The following INTS1 variants were observed in gnomAD, a reference collection of about 807,000 sequenced individuals.
INTS1 encodes integrator complex subunit 1.
In INTS1, 137 loss-of-function variants were observed where a neutral mutation model predicts 241.6. The ratio of observed to expected loss-of-function variants is 0.57; its 90% confidence interval spans 0.49 to 0.65. INTS1 has a LOEUF of 0.65. INTS1 is among the 30% of genes least tolerant of loss of function. The pLI is 0.00. For missense variants in INTS1, 3,073 were observed against 3,032.2 expected, an observed-to-expected ratio of 1.01 and a Z score of -0.32; for synonymous variants, 1,692 against 1,337.8, an observed-to-expected ratio of 1.26 and a Z score of -5.78.
In INTS1 at chr7:1,498,975, C is replaced by G; in HGVS notation, c.1137G>C (p.Lys379Asn). The change falls in exon 8 of 48, where the codon AAG (lysine) becomes AAC (asparagine). Residue 379 changes from lysine (K) to asparagine (N), a missense_variant and splice_region_variant. Transcript: ENST00000404767. ...QKLEMWLQNP[K>N]LTRPAQDLLM... ...CCACCCCCCCGGGGCGCCCCCGCAC[C>G]TTGGGGTTCTGCAGCCACATCTCCA... is the stretch of plus-strand genomic sequence containing the variant. 1 of 1,539,208 alleles carries G rather than the reference C, an allele frequency of 6.5e-7. No individual in the cohort carries two copies. Among genetic ancestry groups the G allele is most frequent in the Non-Finnish European group, 8.7e-7 (1 of 1,144,264 alleles).
intron 19 of INTS1, 112 bp from the exon 20 acceptor site, chr7:1,487,561 A>C: frequency 1.5e-6 from 2 of 1,375,434 alleles, no homozygotes; most frequent in Middle Eastern, 5.2e-4. Flanking sequence ...GAGACGGGCA[A>C]CCCATCCTGA....
At position 1,470,586 on chromosome 7, in the gene INTS1, G is replaced by A. The variant is rs373812788; in HGVS notation, c.6564C>T (p.Ala2188=). 110 of 1,563,994 alleles carry A rather than the reference G, an allele frequency of 7.0e-5. 1 individual carries two copies. The highest frequency in any genetic ancestry group is 2.7e-4 in the South Asian group (23 of 85,266). Residue 2188 remains alanine (A), a synonymous_variant, in exon 48 of 48, where the codon GCC becomes GCT. Transcript: ENST00000404767. ...SEALRILHME[A]VM is the part of the protein sequence containing the mutation. ...GTCGGCTGCCACAGGCTCACATCACGGCCTCCATATGCAGGATCCTCAGGG... is the reference window on the plus strand; with the variant it reads ...GTCGGCTGCCACAGGCTCACATCACAGCCTCCATATGCAGGATCCTCAGGG...
Position 1,476,919 on chromosome 7 carries a change from C to G in INTS1, c.4939-1G>C. 1 of 1,609,680 alleles carries G rather than the reference C, an allele frequency of 6.2e-7. No individual in the cohort carries two copies. Among genetic ancestry groups the G allele is most frequent in the Non-Finnish European group, 8.5e-7 (1 of 1,179,122 alleles). On this transcript the variant is annotated splice_acceptor_variant, in intron 35 of 47. Coordinates refer to ENST00000404767, the MANE Select transcript of INTS1 (RefSeq NM_001080453.3). LOFTEE classifies it high-confidence loss of function. The stretch of plus-strand genomic sequence containing the variant: ...AGGGCACCTGGGCCTGACCTTTGCC[C>G]TGGGGAGGGAGGAAGAAGCCCGGAT...
rs112935261 is a variant in INTS1 at position 1,472,970 on chromosome 7, G to A, written c.6070+102C>T. On this transcript the variant is annotated intron_variant, in intron 43 of 47. Transcript: ENST00000404767. ...GTCCCAGGCTCACACAGCCCCCATC[G>A]GGACGCCTCGGACGGCCCAGGGCTG... is the stretch of plus-strand genomic sequence containing the variant. The A allele has an allele frequency of 5.4e-5, 38 of 708,382 alleles. 1 individual carries two copies. The highest frequency in any genetic ancestry group is 4.0e-4 in the African/African-American group (22 of 55,680). The allele number at this position is 708,382 out of a possible 1,614,324, so 43.9% of individuals were successfully genotyped here.
Position 1,476,813 on chromosome 7 carries a change from CCAG to C in INTS1, c.5041_5043del (p.Leu1681del). 1.2e-6 allele frequency: 2 copies of C among 1,612,938 alleles called. No homozygotes were observed. The highest frequency in any genetic ancestry group is 1.7e-6 in the Non-Finnish European group (2 of 1,179,876). ...GCCCACCTCTGTTCCCGGCTCTTGCCCAGCAGGACTCGGATGCACTGGTGCAGT... is the reference window on the plus strand; with the variant it reads ...GCCCACCTCTGTTCCCGGCTCTTGCCCAGGACTCGGATGCACTGGTGCAGT... On this transcript the variant is annotated inframe_deletion, in exon 36 of 48. Transcript: ENST00000404767.
intron 8 of INTS1, 25 bp downstream of exon 8, chr7:1,498,950 C>T (rs1351579641): frequency 1.4e-6 from 2 of 1,432,548 alleles, no homozygotes; most frequent in Non-Finnish European, 9.4e-7. Context: ...CCTGCCCCGC[C>T]CACCCCCCCG....
Position 1,477,855 on chromosome 7 carries a change from G to T in INTS1, c.4712C>A (p.Ala1571Asp). The T allele has an allele frequency of 6.2e-7, 1 of 1,612,618 alleles. No homozygotes were observed. The highest frequency in any genetic ancestry group is 1.3e-5 in the African/African-American group (1 of 75,074). ...GGGCTTACAGGCTGGAAACGGGGAGGCAGCATCCGCAGTGGCAGAGAAGAA... is the reference window on the plus strand; with the variant it reads ...GGGCTTACAGGCTGGAAACGGGGAGTCAGCATCCGCAGTGGCAGAGAAGAA... ...TAFFSATADAASPFPACKPVV... is the reference protein window; with the variant it reads ...TAFFSATADADSPFPACKPVV... Residue 1571 changes from alanine to aspartate, a missense_variant, in exon 34 of 48, where the codon GCC becomes GAC. Ala to Asp is a moderately radical substitution (Grantham distance 126). Coordinates refer to ENST00000404767, the MANE Select transcript of INTS1 (RefSeq NM_001080453.3).
In INTS1 at chr7:1,497,724, GC is replaced by G. The variant is rs1338474555; in HGVS notation, c.1426-411del. Among the ~76,000 whole-genome samples the G allele has an allele frequency of 3.9e-5, 6 of 152,240 alleles. No homozygotes were observed. Among genetic ancestry groups the G allele is most frequent in the Non-Finnish European group, 8.8e-5 (6 of 68,044 alleles). ...CACTCCTGTCTCAAAATGCCAGGCCGCGAAGACTGAACGCGGAGCTGAGAGC... is the reference window on the plus strand; with the variant it reads ...CACTCCTGTCTCAAAATGCCAGGCCGGAAGACTGAACGCGGAGCTGAGAGC... On this transcript the variant is annotated intron_variant, in intron 10 of 47. Coordinates refer to ENST00000404767, the MANE Select transcript of INTS1 (RefSeq NM_001080453.3). The surrounding 1 kb of genome is among the most constrained non-coding windows in gnomAD (Gnocchi z 5.3).
At chr7:1,502,166 G>A (rs943560642) in intron 3 of INTS1, among the ~76,000 whole-genome samples, 3 of 152,050 alleles carry the variant, frequency 2.0e-5, no homozygotes. Context: ...AAAGTCATCA[G>A]GACACTTGTT....
chr7:1,472,821 G>T (rs993327603), intron 43 of INTS1, among the ~76,000 whole-genome samples: 7 of 150,750 alleles, frequency 4.6e-5, no homozygotes, highest in Non-Finnish European at 7.4e-5. Context: ...TGCCAGGGAC[G>T]GGGGGGTGGG....
At position 1,480,430 on chromosome 7, in the gene INTS1, C is replaced by T. The variant is rs1277675308; in HGVS notation, c.3961G>A (p.Ala1321Thr). The part of the protein sequence containing the change: ...SLPPRRDSTE[A>T]PKPKSSPEQP... The stretch of plus-strand genomic sequence containing the variant: ...TCTGGGCTGCTCTTTGGTTTGGGTG[C>T]CTCTGTGCTGTCTGCAGAGACAGGA... Residue 1321 changes from alanine (A) to threonine (T), a missense_variant, in exon 30 of 48, where the codon GCA becomes ACA. Coordinates refer to ENST00000404767, the MANE Select transcript of INTS1 (RefSeq NM_001080453.3). 1.9e-6 allele frequency: 3 copies of T among 1,613,258 alleles called. No individual in the cohort carries two copies. The Admixed American group carries it at 5.0e-5, about 27-fold the overall frequency.
chr7:1,471,313 G>T, intron 45 of INTS1, 89 bp from the exon 46 acceptor site: 4 of 1,334,832 alleles, frequency 3.0e-6, no homozygotes, highest in Non-Finnish European at 4.2e-6. Flanking sequence ...ATGGTTGGCG[G>T]CAACGGCAGG....
chr7:1,471,287 A>G, intron 45 of INTS1, 63 bp from the exon 46 acceptor site: 1 of 1,486,838 alleles, frequency 6.7e-7, no homozygotes, highest in Non-Finnish European at 9.2e-7. Flanking sequence ...AGGCCCCTTC[A>G]CCTCTTGGTC....
chr7:1,486,704 T>G lies in INTS1; in HGVS notation c.2897A>C (p.Gln966Pro). 1 of 1,612,752 alleles carries G rather than the reference T, an allele frequency of 6.2e-7. No homozygotes were observed. The highest frequency in any genetic ancestry group is 2.2e-5 in the East Asian group (1 of 44,880). Residue 966 changes from glutamine to proline, a missense_variant, in exon 22 of 48, where the codon CAG becomes CCG. Transcript: ENST00000404767. ...DLLLGPKADEQTTCEVLDYFL... is the reference protein window; with the variant it reads ...DLLLGPKADEPTTCEVLDYFL... The stretch of plus-strand genomic sequence containing the variant: ...GTAGTCCAGCACCTCACACGTGGTC[T>G]GCTCATCAGCCTTCGGGCCCAGTAG...
chr7:1,500,076 T>C, intron 4 of INTS1, 55 bp from the exon 5 acceptor site: 3 of 1,556,970 alleles, frequency 1.9e-6, no homozygotes, highest in East Asian at 2.4e-5. Context: ...GAGGCAAAGC[T>C]GGGGTGGGCC....
Position 1,502,895 on chromosome 7 carries a change from C to T in INTS1, c.349+6G>A. On this transcript the variant is annotated splice_donor_region_variant and intron_variant, in intron 3 of 47. Transcript: ENST00000404767. ...TGTTCTCGGGGGATGTCCACAGACT[C>T]ATTACCTTCAATTGGCACCACAGAT... 1.2e-6 allele frequency: 2 copies of T among 1,613,668 alleles called. No individual in the cohort carries two copies. The highest frequency in any genetic ancestry group is 1.3e-5 in the African/African-American group (1 of 75,038).
At position 1,489,413 on chromosome 7, in the gene INTS1, C is replaced by T. The variant is rs1373422179; in HGVS notation, c.2258-9G>A. ...CTCCCACGCAGCCAGGCCTAGGGAA[C>T]CGGAGGGTGTGGGGCTGGCCAGGCT... is the stretch of plus-strand genomic sequence containing the variant. On this transcript the variant is annotated splice_polypyrimidine_tract_variant and intron_variant, in intron 17 of 47. Transcript: ENST00000404767. The T allele has an allele frequency of 2.9e-6, 3 of 1,019,206 alleles. No homozygotes were observed. Among genetic ancestry groups the T allele is most frequent in the Non-Finnish European group, 3.5e-6 (3 of 852,434 alleles). The allele number at this position is 1,019,206 out of a possible 1,614,324, so 63.1% of individuals were successfully genotyped here.
At chr7:1,486,268 TA>T (rs1294799414) in intron 22 of INTS1, among the ~76,000 whole-genome samples, 4 of 149,400 alleles carry the variant, frequency 2.7e-5, no homozygotes, top group Admixed American at 2.0e-4. Flanking sequence ...TTCATTTATT[TA>T]TTTTTTTTTT....
Position 1,473,573 on chromosome 7 carries a change from G to A in INTS1, c.5950C>T (p.Pro1984Ser). The change falls in exon 42 of 48, where the codon CCG becomes TCG. Residue 1984 changes from proline (P) to serine (S), a missense_variant. Coordinates refer to ENST00000404767, the MANE Select transcript of INTS1 (RefSeq NM_001080453.3). ...CAGCCCGTGGGCACTCACTGGAGCGGGTCGGCGTGCTTCTGCAGGAAGGAG... is the reference window on the plus strand; with the variant it reads ...CAGCCCGTGGGCACTCACTGGAGCGAGTCGGCGTGCTTCTGCAGGAAGGAG... ...AISFLQKHAD[P>S]LHDLSFDNSD... The A allele has an allele frequency of 6.3e-7, 1 of 1,593,102 alleles. No homozygotes were observed. The highest frequency in any genetic ancestry group is 8.5e-7 in the Non-Finnish European group (1 of 1,170,554).
Sources: gnomAD v4.1 joint callset for allele counts (sites outside exome capture counted in the v4.1 genomes callset) on GRCh38, gnomAD v4.1.1 for gene constraint, Gnocchi (gnomAD v3.1) non-coding constraint, MANE v1.5 for transcripts, NCBI Gene and HGNC (gene_info 2026-07-23, HGNC 2026-07-21) for gene names.